CTNND2: variants seen among roughly 807,000 people sequenced by gnomAD.
The protein encoded by CTNND2 is catenin delta-2.
In CTNND2, 22 loss-of-function variants were observed where a neutral mutation model predicts 144.4. The observed-to-expected ratio is 0.15, with a 90% CI of 0.11 to 0.22. The LOEUF (loss-of-function observed/expected upper bound fraction) is 0.22. Ranked by LOEUF, CTNND2 falls within the 10% of genes least tolerant of loss-of-function variation. The pLI is 1.00. For missense variants in CTNND2, 1,353 were observed against 1,618.8 expected, an observed-to-expected ratio of 0.84 and a Z score of 2.82; for synonymous variants, 751 against 695.6, an observed-to-expected ratio of 1.08 and a Z score of -1.25.
chr5:11,020,092 C>T (rs564172604), intron 17 of CTNND2, among the ~76,000 whole-genome samples: 2 of 152,316 alleles, frequency 1.3e-5, no homozygotes, highest in South Asian at 4.1e-4. Context: ...GCTGTCAACA[C>T]AGCTGTGCCA....
chr5:11,775,445 C>T (rs1047825041), intron 1 of CTNND2, among the ~76,000 whole-genome samples: 6 of 152,178 alleles, frequency 3.9e-5, no homozygotes, highest in South Asian at 2.1e-4. Flanking sequence ...AGGAAGGTTC[C>T]GTAAGCACTC....
At chr5:11,303,209 G>T (rs1749798776) in intron 9 of CTNND2, among the ~76,000 whole-genome samples, 1 of 152,162 alleles carries the variant, frequency 6.6e-6, no homozygotes, top group Non-Finnish European at 1.5e-5. Context: ...ATTCTAGCTT[G>T]GTGTTTGAGA....
chr5:11,657,437 CCTT>C (rs1183148094), intron 2 of CTNND2, among the ~76,000 whole-genome samples: 1 of 152,192 alleles, frequency 6.6e-6, no homozygotes, highest in East Asian at 1.9e-4. Context: ...CTGTTTCCTT[CCTT>C]CTTCTTTCTC....
chr5:11,167,696 CTT>C (rs34347219), intron 11 of CTNND2, among the ~76,000 whole-genome samples: 36 of 137,778 alleles, frequency 2.6e-4, no homozygotes, highest in African/African-American at 5.3e-4. Flanking sequence ...GTCATATTCA[CTT>C]TTTTTTTTTT....
At position 11,306,167 on chromosome 5, in the gene CTNND2, A is replaced by C. The variant is rs111928891; in HGVS notation, c.1628+40205T>G. On this transcript the variant is annotated intron_variant, in intron 9 of 21. Coordinates refer to ENST00000304623, the MANE Select transcript of CTNND2 (RefSeq NM_001332.4). ...AACTGATTAGAAGAAAGCAAGACTG[A>C]AAGTGCGGAGAAGCCAGTTAGGAGG... is the stretch of plus-strand genomic sequence containing the variant. Among the ~76,000 whole-genome samples, 966 of 152,342 alleles carry C rather than the reference A, an allele frequency of 6.3e-3. 7 individuals are homozygous for C. Among genetic ancestry groups the C allele is most frequent in the African/African-American group, 0.022 (927 of 41,584 alleles).
intron 3 of CTNND2, among the ~76,000 whole-genome samples, chr5:11,508,749 TA>T (rs1771332000): frequency 6.6e-6 from 1 of 152,006 alleles, no homozygotes; most frequent in South Asian, 2.1e-4. Flanking sequence ...CCATCTCTAC[TA>T]AAAATACAAA....
chr5:11,104,313 G>A (rs1281730454), intron 14 of CTNND2, among the ~76,000 whole-genome samples: 3 of 152,174 alleles, frequency 2.0e-5, no homozygotes, highest in Non-Finnish European at 4.4e-5. Flanking sequence ...TCCTCTCAGG[G>A]GAAGTCACAC....
chr5:11,207,219 C>A (rs1738135879), intron 10 of CTNND2, among the ~76,000 whole-genome samples: 1 of 151,886 alleles, frequency 6.6e-6, no homozygotes, highest in Non-Finnish European at 1.5e-5. Context: ...GGGAACATCA[C>A]ACACTGGGGC....
chr5:11,384,436 A>G lies in CTNND2; in HGVS notation c.1177+229T>C, dbSNP rs904996060. 1.1e-5 allele frequency: 6 copies of G among 568,536 alleles called. No individual in the cohort carries two copies. The highest frequency in any genetic ancestry group is 9.5e-5 in the African/African-American group (5 of 52,832). 35.2% of individuals were successfully genotyped at this position (568,536 alleles called of 1,614,324 possible). On this transcript the variant is annotated intron_variant, in intron 7 of 21. Transcript: ENST00000304623. This position sits in a 1 kb window ranked among gnomAD's most constrained non-coding sequence, Gnocchi z 5.2. Reference sequence around the variant, plus strand: ...AGAAGAGAGGAGAGAAGAGAGTGATATAGGTGTTAGAGATTGAGACACCAC... The same window carrying G: ...AGAAGAGAGGAGAGAAGAGAGTGATGTAGGTGTTAGAGATTGAGACACCAC...
chr5:11,211,433 C>T lies in CTNND2; in HGVS notation c.1762-11772G>A, dbSNP rs184746537. On this transcript the variant is annotated intron_variant, in intron 10 of 21. Transcript: ENST00000304623. ...TGCCCTTGTCCAGGTAAGAGAACCA[C>T]AGCAGCTTTTGACTGATTGACAGGA... Among the ~76,000 whole-genome samples the T allele has an allele frequency of 2.0e-5, 3 of 152,342 alleles. No individual in the cohort carries two copies. The East Asian group carries it at 5.8e-4, about 29-fold the overall frequency.
rs576138329 is a variant in CTNND2 at position 11,013,067 on chromosome 5, C to T, written c.3084+4907G>A. Among the ~76,000 whole-genome samples the T allele has an allele frequency of 3.0e-4, 45 of 152,304 alleles. No homozygotes were observed. The East Asian group carries it at 7.5e-3, about 25-fold the overall frequency. On this transcript the variant is annotated intron_variant, in intron 18 of 21. Transcript: ENST00000304623. ...TCTCTCTCACCTTCCCCTCACGCTT[C>T]TTCCCTTAAGCAGGTCATAAAACCC... is the stretch of plus-strand genomic sequence containing the variant.
chr5:11,147,987 C>A (rs1757411454), intron 12 of CTNND2, among the ~76,000 whole-genome samples: 1 of 152,170 alleles, frequency 6.6e-6, no homozygotes, highest in African/African-American at 2.4e-5. Flanking sequence ...TATTATTCAG[C>A]CACATAAAGG....
intron 21 of CTNND2, among the ~76,000 whole-genome samples, chr5:10,974,016 G>A (rs1354485473): frequency 6.6e-6 from 1 of 152,210 alleles, no homozygotes; most frequent in Admixed American, 6.5e-5. Flanking sequence ...AACATTCACA[G>A]TGTTGTGCAA....
chr5:11,458,310 C>T (rs1332365172), intron 3 of CTNND2, among the ~76,000 whole-genome samples: 1 of 152,136 alleles, frequency 6.6e-6, no homozygotes, highest in Non-Finnish European at 1.5e-5. Context: ...TCATAAACAG[C>T]TGAGGTATGG....
chr5:11,494,631 C>A (rs1205466381), intron 3 of CTNND2, among the ~76,000 whole-genome samples: 4 of 152,026 alleles, frequency 2.6e-5, no homozygotes, highest in Non-Finnish European at 5.9e-5. Context: ...GAATAATAAG[C>A]AATTCCATTA....
chr5:11,751,594 A>G (rs1386407176), intron 1 of CTNND2, among the ~76,000 whole-genome samples: 1 of 151,906 alleles, frequency 6.6e-6, no homozygotes, highest in Non-Finnish European at 1.5e-5. Flanking sequence ...ATAGTATGCC[A>G]CAGTGTATAT....
intron 1 of CTNND2, among the ~76,000 whole-genome samples, chr5:11,876,890 C>G (rs890230174): frequency 6.6e-6 from 1 of 152,156 alleles, no homozygotes; most frequent in Non-Finnish European, 1.5e-5. Context: ...TTTAGTCCAG[C>G]AAACTTGCTG....
intron 2 of CTNND2, among the ~76,000 whole-genome samples, chr5:11,632,757 A>G (rs1033794103): frequency 1.3e-5 from 2 of 152,180 alleles, no homozygotes; most frequent in East Asian, 3.9e-4. Context: ...AAAGGAATAT[A>G]TTATGATGAC....
chr5:11,882,787 TAG>T (rs970684824), intron 1 of CTNND2, among the ~76,000 whole-genome samples: 7 of 152,254 alleles, frequency 4.6e-5, no homozygotes, highest in African/African-American at 1.7e-4. Flanking sequence ...TTTGGCTACT[TAG>T]AGTCTTTTGT....
Sources: allele counts gnomAD v4.1 joint callset (sites outside exome capture counted in the v4.1 genomes callset), GRCh38; gene constraint gnomAD v4.1.1; non-coding constraint Gnocchi (gnomAD v3.1); transcripts MANE v1.5; gene names NCBI Gene and HGNC (gene_info 2026-07-23, HGNC 2026-07-21).